Variants in SDC2 observed in about 807,000 individuals in gnomAD.
SDC2 encodes syndecan-2.
A neutral mutation model predicts 22.2 loss-of-function variants in SDC2; 13 were observed. The observed-to-expected ratio is 0.59, with a 90% CI of 0.38 to 0.93. The LOEUF (loss-of-function observed/expected upper bound fraction) is 0.93, where lower values mean the gene tolerates loss of function less well. SDC2 is among the 40% of genes least tolerant of loss of function. The pLI is 0.00. For synonymous variants in SDC2, 94 were observed against 92.8 expected (o/e 1.01, Z -0.07); for missense variants, 235 against 246.8 (o/e 0.95, Z 0.32).
intron 1 of SDC2, among the ~76,000 whole-genome samples, chr8:96,582,415 T>C (rs1053421316): frequency 3.3e-5 from 5 of 152,242 alleles, no homozygotes; most frequent in African/African-American, 1.2e-4. Flanking sequence ...TTCTTTTAAC[T>C]TCAGCTTTGA....
intron 1 of SDC2, among the ~76,000 whole-genome samples, chr8:96,497,763 G>A (rs1464456491): frequency 6.6e-6 from 1 of 152,210 alleles, no homozygotes; most frequent in Non-Finnish European, 1.5e-5. Context: ...AAGCCACTGT[G>A]CTGTTGGCAT....
intron 2 of SDC2, among the ~76,000 whole-genome samples, chr8:96,595,772 C>T (rs1450384561): frequency 6.6e-6 from 1 of 152,146 alleles, no homozygotes; most frequent in Non-Finnish European, 1.5e-5. Flanking sequence ...AATGACTTTG[C>T]CAACCTCTAC....
intron 1 of SDC2, among the ~76,000 whole-genome samples, chr8:96,585,544 G>A (rs552590570): frequency 1.3e-5 from 2 of 152,056 alleles, no homozygotes; most frequent in African/African-American, 2.4e-5. Flanking sequence ...GGATGGGGGC[G>A]GGTGCATCCT....
chr8:96,588,653 A>G (rs191527452), intron 1 of SDC2, among the ~76,000 whole-genome samples: 39 of 152,328 alleles, frequency 2.6e-4, no homozygotes, highest in Middle Eastern at 3.4e-3. Flanking sequence ...TCAAAGGCTA[A>G]TTTTCTGAAA....
chr8:96,568,094 A>G (rs1236649790), intron 1 of SDC2, among the ~76,000 whole-genome samples: 1 of 152,198 alleles, frequency 6.6e-6, no homozygotes, highest in Non-Finnish European at 1.5e-5. Context: ...AGTAAACTTA[A>G]AGGAGAATTG....
intron 1 of SDC2, among the ~76,000 whole-genome samples, chr8:96,520,473 T>C (rs149450035): frequency 6.6e-6 from 1 of 152,330 alleles, no homozygotes; most frequent in East Asian, 1.9e-4. Context: ...CAGGGAGTCT[T>C]ACTGCCTTTT....
chr8:96,588,502 A>G (rs765780229), intron 1 of SDC2, among the ~76,000 whole-genome samples: 47 of 152,244 alleles, frequency 3.1e-4, no homozygotes, highest in Non-Finnish European at 6.0e-4. Flanking sequence ...TGTAATCATC[A>G]TAAAAGTTAA....
intron 1 of SDC2, among the ~76,000 whole-genome samples, chr8:96,553,517 A>C (rs1324303192): frequency 6.6e-6 from 1 of 151,620 alleles, no homozygotes; most frequent in African/African-American, 2.4e-5. Context: ...TCTTAGGAAG[A>C]GATAAGGGTA....
chr8:96,584,178 A>C (rs1421994490), intron 1 of SDC2, among the ~76,000 whole-genome samples: 3 of 152,254 alleles, frequency 2.0e-5, no homozygotes, highest in African/African-American at 7.2e-5. Flanking sequence ...GTTCTAGCTC[A>C]GACCTCTGAA....
intron 1 of SDC2, among the ~76,000 whole-genome samples, chr8:96,557,716 G>A (rs1180281521): frequency 6.6e-6 from 1 of 151,914 alleles, no homozygotes; most frequent in South Asian, 2.1e-4. Flanking sequence ...CATGGCACAT[G>A]TATACATATG....
At chr8:96,562,273 T>A (rs2575713) in intron 1 of SDC2, among the ~76,000 whole-genome samples, 8,268 of 152,336 alleles carry the variant, frequency 0.054, 749 homozygotes, top group African/African-American at 0.18. Flanking sequence ...TCCATTGTAT[T>A]GCCTTTGCTC....
At chr8:96,596,646 GT>G (rs1184760382) in intron 2 of SDC2, among the ~76,000 whole-genome samples, 2 of 152,210 alleles carry the variant, frequency 1.3e-5, no homozygotes, top group African/African-American at 4.8e-5. Flanking sequence ...GGAAAGGGCT[GT>G]ATAACAAAAA....
At chr8:96,543,892 A>G (rs750449235) in intron 1 of SDC2, among the ~76,000 whole-genome samples, 5 of 152,254 alleles carry the variant, frequency 3.3e-5, no homozygotes, top group African/African-American at 7.2e-5. Flanking sequence ...TTGAAAGAGC[A>G]TTACAGTTTT....
rs1815171744 is a variant in SDC2, at chr8:96,611,303, GCCGT to G, written c.*1758_*1761del. 6.6e-6 allele frequency: 1 copy of G among 152,346 alleles called. No homozygotes were observed. Among genetic ancestry groups the G allele is most frequent in the African/African-American group, 2.4e-5 (1 of 41,420 alleles). 9.4% of individuals were successfully genotyped at this position (152,346 alleles called of 1,614,324 possible). A position where few individuals can be genotyped will look rare whatever the true frequency, so the allele number is the denominator to read the frequency against. On this transcript the variant is annotated 3_prime_UTR_variant, in exon 5 of 5. Transcript: ENST00000302190. ...CCACTAATTTTGTTTTAAACTGTGAGCCGTCCAAGTCAGAAGAAGACAGCAAAAA... is the reference window on the plus strand; with the variant it reads ...CCACTAATTTTGTTTTAAACTGTGAGCCAAGTCAGAAGAAGACAGCAAAAA...
chr8:96,600,363 A>G (rs1220044231), intron 2 of SDC2, among the ~76,000 whole-genome samples: 1 of 152,220 alleles, frequency 6.6e-6, no homozygotes, highest in Non-Finnish European at 1.5e-5. Context: ...AAATTTGACA[A>G]ATGATCAACT....
At chr8:96,554,663 G>T (rs541770502) in intron 1 of SDC2, among the ~76,000 whole-genome samples, 2 of 152,198 alleles carry the variant, frequency 1.3e-5, no homozygotes, top group South Asian at 2.1e-4. Flanking sequence ...GCACCCAGGG[G>T]TGGTTGAACT....
At chr8:96,576,371 TTTGTTTTGTTTTG>T (rs1814494551) in intron 1 of SDC2, among the ~76,000 whole-genome samples, 3 of 33,338 alleles carry the variant, frequency 9.0e-5, no homozygotes, top group African/African-American at 2.2e-4. Context: ...GTAGTTTGTT[TTTGTTTTGTTTTG>T]TTTTTTTTTA....
chr8:96,506,009 T>C (rs898664382), intron 1 of SDC2, among the ~76,000 whole-genome samples: 1 of 152,158 alleles, frequency 6.6e-6, no homozygotes, highest in Non-Finnish European at 1.5e-5. Flanking sequence ...ATTTGTACAA[T>C]CAAAATTGCC....
At chr8:96,521,160 G>C (rs1017864345) in intron 1 of SDC2, among the ~76,000 whole-genome samples, 18 of 152,244 alleles carry the variant, frequency 1.2e-4, no homozygotes, top group Admixed American at 1.1e-3. Context: ...TTTCACATTC[G>C]TATAAATAAT....
Sources: gnomAD v4.1 joint callset for allele counts (sites outside exome capture counted in the v4.1 genomes callset) on GRCh38, gnomAD v4.1.1 for gene constraint, MANE v1.5 for transcripts, NCBI Gene and HGNC (gene_info 2026-07-23, HGNC 2026-07-21) for gene names.